Variants in RTN3 observed in about 807,000 individuals in gnomAD.
RTN3 encodes reticulon 3.
RTN3 carries 49 observed loss-of-function variants against 77.8 expected under a neutral mutation model. The observed-to-expected ratio is 0.63, with a 90% CI of 0.50 to 0.80. RTN3 has a LOEUF of 0.80. Among genes scored for constraint, RTN3 ranks in the 30% least tolerant of loss-of-function variants. RTN3 has a pLI of 0.00. For synonymous variants in RTN3, 464 were observed against 446.9 expected, an observed-to-expected ratio of 1.04 and a Z score of -0.48; for missense variants, 1,236 against 1,211.9, an observed-to-expected ratio of 1.02 and a Z score of -0.29.
chr11:63,709,598 G>T (rs1942652360), intron 2 of RTN3, among the ~76,000 whole-genome samples: 2 of 149,864 alleles, frequency 1.3e-5, no homozygotes, highest in African/African-American at 2.5e-5. Context: ...AAAAAAAAAA[G>T]AAAAACATTT....
Position 63,709,476 on chromosome 11 carries a change from G to A in RTN3, c.199+4569G>A, listed in dbSNP as rs571540117. Among the ~76,000 whole-genome samples the A allele has an allele frequency of 2.0e-5, 3 of 152,022 alleles. No individual in the cohort carries two copies. The East Asian group carries it at 5.8e-4, about 29-fold the overall frequency. On this transcript the variant is annotated intron_variant, in intron 2 of 8. Coordinates refer to ENST00000377819, the MANE Select transcript of RTN3 (RefSeq NM_001265589.2). ...GGAAGCATTGCATTAATGAATGCTT[G>A]CATTCAATTTGACTAATGCAGTAGG...
chr11:63,734,781 A>ACACC (rs778043704), intron 3 of RTN3, among the ~76,000 whole-genome samples: 6,012 of 105,024 alleles, frequency 0.057, 522 homozygotes, highest in East Asian at 0.11. Flanking sequence ...ACACACACAC[A>ACACC]CCATACTGGA....
At chr11:63,683,065 C>T (rs150755387) in intron 1 of RTN3, among the ~76,000 whole-genome samples, 178 of 152,038 alleles carry the variant, frequency 1.2e-3, no homozygotes, top group African/African-American at 4.1e-3. Context: ...TGATCTTAAC[C>T]TTAAATGTAT....
intron 1 of RTN3, among the ~76,000 whole-genome samples, chr11:63,685,721 C>T (rs1446281239): frequency 6.6e-6 from 1 of 152,040 alleles, no homozygotes; most frequent in African/African-American, 2.4e-5. Context: ...TGCTGTCATC[C>T]TCCAGCTTCA....
intron 3 of RTN3, among the ~76,000 whole-genome samples, chr11:63,744,608 T>C (rs1347753570): frequency 6.6e-6 from 1 of 152,186 alleles, no homozygotes; most frequent in African/African-American, 2.4e-5. Flanking sequence ...ACTACAGTCA[T>C]ATATGTGGTG....
At chr11:63,754,754 C>T (rs997895865) in intron 7 of RTN3, among the ~76,000 whole-genome samples, 1 of 147,900 alleles carries the variant, frequency 6.8e-6, no homozygotes, top group Non-Finnish European at 1.5e-5. Flanking sequence ...GGTGAAACCC[C>T]GTCTCTACTA....
chr11:63,731,255 T>C (rs1424706691), intron 3 of RTN3, among the ~76,000 whole-genome samples: 1 of 152,074 alleles, frequency 6.6e-6, no homozygotes, highest in African/African-American at 2.4e-5. Context: ...AATTTTTGTA[T>C]TTTAAGTAGA....
chr11:63,728,243 A>G (rs139076788), intron 3 of RTN3, among the ~76,000 whole-genome samples: 9 of 152,324 alleles, frequency 5.9e-5, no homozygotes, highest in Non-Finnish European at 7.3e-5. Flanking sequence ...AGCTCTTTCA[A>G]TCTTTGGTGT....
chr11:63,699,516 G>T lies in RTN3; in HGVS notation c.143-5335G>T, dbSNP rs150954257. ...GATTATGCAGTAGCTTTTCAGTTCC[G>T]TCCATGCTCTACCCTGCTGCCAGAG... On this transcript the variant is annotated intron_variant, in intron 1 of 8. Coordinates refer to ENST00000377819, the MANE Select transcript of RTN3 (RefSeq NM_001265589.2). 2.5e-4 allele frequency among the ~76,000 whole-genome samples: 38 copies of T among 152,106 alleles called. 1 individual carries two copies. In the South Asian group the frequency reaches 7.5e-3, roughly 30 times the overall value.
intron 1 of RTN3, among the ~76,000 whole-genome samples, chr11:63,701,566 C>A (rs1195976535): frequency 6.6e-6 from 1 of 152,046 alleles, no homozygotes; most frequent in Non-Finnish European, 1.5e-5. Context: ...GGGGAGGCTT[C>A]AGGAAGCTTC....
At position 63,720,580 on chromosome 11, in the gene RTN3, T is replaced by G. The variant is rs1565322920; in HGVS notation, c.2078T>G (p.Leu693Ter). ...DFKTTPPVEVLHENESGGSEI... is the reference protein window; with the variant it reads ...DFKTTPPVEV ...AAAACAACTCCTCCTGTAGAAGTCTTACATGAAAATGAGTCCGGTGGTTCT... is the reference window on the plus strand; with the variant it reads ...AAAACAACTCCTCCTGTAGAAGTCTGACATGAAAATGAGTCCGGTGGTTCT... Residue 693 changes from leucine (L) to a stop codon, truncating the protein, a stop_gained, in exon 3 of 9, where the codon TTA (leucine) becomes TGA (stop). Coordinates refer to ENST00000377819, the MANE Select transcript of RTN3 (RefSeq NM_001265589.2). LOFTEE classifies it high-confidence loss of function. The G allele has an allele frequency of 6.2e-7, 1 of 1,613,992 alleles. No homozygotes were observed. Among genetic ancestry groups the G allele is most frequent in the South Asian group, 1.1e-5 (1 of 91,058 alleles).
intron 2 of RTN3, among the ~76,000 whole-genome samples, chr11:63,709,279 A>G (rs1942636153): frequency 6.6e-6 from 1 of 152,218 alleles, no homozygotes; most frequent in Non-Finnish European, 1.5e-5. Context: ...ATAATTTAGT[A>G]TCATCTGGGG....
chr11:63,734,779 A>C (rs397834557), intron 3 of RTN3, among the ~76,000 whole-genome samples: 1,314 of 70,348 alleles, frequency 0.019, 17 homozygotes, highest in Non-Finnish European at 0.029. Flanking sequence ...ACACACACAC[A>C]CACCATACTG....
chr11:63,683,800 G>A (rs1007732605), intron 1 of RTN3, among the ~76,000 whole-genome samples: 2 of 152,102 alleles, frequency 1.3e-5, no homozygotes, highest in Non-Finnish European at 2.9e-5. Context: ...AGTGGAAAAG[G>A]TGCTGAAATT....
chr11:63,705,802 T>A (rs1942466899), intron 2 of RTN3, among the ~76,000 whole-genome samples: 1 of 152,212 alleles, frequency 6.6e-6, no homozygotes, highest in African/African-American at 2.4e-5. Context: ...TTTGTTTTGT[T>A]TTTAATCTGT....
intron 1 of RTN3, among the ~76,000 whole-genome samples, chr11:63,696,264 G>A (rs558618525): frequency 2.0e-5 from 3 of 151,822 alleles, no homozygotes; most frequent in South Asian, 2.1e-4. Flanking sequence ...AGACGTGATG[G>A]TGCGTACCTG....
rs187470152 is a variant in RTN3, at chr11:63,703,744, G to A, written c.143-1107G>A. On this transcript the variant is annotated intron_variant, in intron 1 of 8. Coordinates refer to ENST00000377819, the MANE Select transcript of RTN3 (RefSeq NM_001265589.2). ...TTTTTCATAGAGACGGGGTTTCACC[G>A]TGTTAGCCAGGATGGTCTTGATCTC... 2.1e-3 allele frequency among the ~76,000 whole-genome samples: 322 copies of A among 150,786 alleles called. 1 individual carries two copies. Among genetic ancestry groups the A allele is most frequent in the African/African-American group, 7.2e-3 (296 of 41,130 alleles).
intron 1 of RTN3, among the ~76,000 whole-genome samples, chr11:63,696,543 ATTTTT>A (rs71039663): frequency 8.4e-6 from 1 of 118,376 alleles, no homozygotes; most frequent in Admixed American, 9.9e-5. Flanking sequence ...CCCTGTCACT[ATTTTT>A]TTTTTTTTTT....
rs1191732020 is a variant in RTN3, at chr11:63,753,558, T to C, written c.2948-104T>C. On this transcript the variant is annotated intron_variant, in intron 6 of 8. Coordinates refer to ENST00000377819, the MANE Select transcript of RTN3 (RefSeq NM_001265589.2). Reference sequence around the variant, plus strand: ...GATTTCTCATTTTGAGGAATGCCTGTGTTTTCCTGTATTTTTTGAGGAAAA... The same window carrying C: ...GATTTCTCATTTTGAGGAATGCCTGCGTTTTCCTGTATTTTTTGAGGAAAA... 9.9e-6 allele frequency: 10 copies of C among 1,011,642 alleles called. No individual in the cohort carries two copies. In the Admixed American group the frequency reaches 1.8e-4, roughly 19 times the overall value. 62.7% of individuals were successfully genotyped at this position (1,011,642 alleles called of 1,614,324 possible).
Sources: gnomAD v4.1 joint callset for allele counts (sites outside exome capture counted in the v4.1 genomes callset) on GRCh38, gnomAD v4.1.1 for gene constraint, MANE v1.5 for transcripts, NCBI Gene and HGNC (gene_info 2026-07-23, HGNC 2026-07-21) for gene names.